ASH1L: variants seen among roughly 807,000 people sequenced by gnomAD.
ASH1L encodes ASH1 like histone lysine methyltransferase, also known as histone-lysine N-methyltransferase ASH1L.
In ASH1L, 23 loss-of-function variants were observed where a neutral mutation model predicts 269.0. The observed-to-expected ratio is 0.09, with a 90% confidence interval of 0.06 to 0.12. The LOEUF (loss-of-function observed/expected upper bound fraction) is 0.12. ASH1L is among the 10% of genes least tolerant of loss of function. The pLI is 1.00. For synonymous variants in ASH1L, 1,187 were observed against 1,253.5 expected (o/e 0.95, Z 1.12); for missense variants, 2,912 against 3,567.8 (o/e 0.82, Z 4.68).
chr1:155,459,202 T>C (rs1664103474), intron 4 of ASH1L, among the ~76,000 whole-genome samples: 1 of 149,774 alleles, frequency 6.7e-6, no homozygotes, highest in African/African-American at 2.4e-5. Context: ...ACTAAACAAT[T>C]TTTTTTTTTT....
intron 5 of ASH1L, 110 bp downstream of exon 5, chr1:155,438,217 A>G (rs1662251548): frequency 4.3e-6 from 5 of 1,154,690 alleles, no homozygotes; most frequent in Non-Finnish European, 6.0e-6. Context: ...ATGGTCTCAT[A>G]TAGTAAAAAA....
At chr1:155,349,227 C>T (rs964760941) in intron 19 of ASH1L, 100 bp downstream of exon 19, 2 of 1,375,000 alleles carry the variant, frequency 1.5e-6, no homozygotes, top group African/African-American at 1.5e-5. Flanking sequence ...CTTTTCCAAC[C>T]AGAAATATGG....
chr1:155,425,266 C>T (rs865889264), intron 5 of ASH1L, among the ~76,000 whole-genome samples: 16 of 149,864 alleles, frequency 1.1e-4, no homozygotes, highest in Admixed American at 5.3e-4. Flanking sequence ...TGGGCCACCA[C>T]GCCCGGCCTA....
chr1:155,370,767 A>T lies in ASH1L; in HGVS notation c.6539+10T>A. On this transcript the variant is annotated intron_variant, in intron 11 of 27. Transcript: ENST00000392403. Reference sequence around the variant, plus strand: ...GCATTTTATTAGAGTATCATCATTTACCACCGTACCTGAACTCCTGTTCAC... The same window carrying T: ...GCATTTTATTAGAGTATCATCATTTTCCACCGTACCTGAACTCCTGTTCAC... 1 of 1,614,144 alleles carries T rather than the reference A, an allele frequency of 6.2e-7. No individual in the cohort carries two copies. Among genetic ancestry groups the T allele is most frequent in the Non-Finnish European group, 8.5e-7 (1 of 1,179,996 alleles).
chr1:155,456,885 A>G (rs1007888690), intron 4 of ASH1L, among the ~76,000 whole-genome samples: 6 of 152,126 alleles, frequency 3.9e-5, no homozygotes, highest in Non-Finnish European at 8.8e-5. Context: ...TCCACCCCCC[A>G]CCGCCAAAAG....
chr1:155,347,894 C>T lies in ASH1L; in HGVS notation c.7565G>A (p.Gly2522Glu). 1 of 1,614,066 alleles carries T rather than the reference C, an allele frequency of 6.2e-7. No individual in the cohort carries two copies. Among genetic ancestry groups the T allele is most frequent in the Non-Finnish European group, 8.5e-7 (1 of 1,179,978 alleles). The change falls in exon 20 of 28, where the codon GGG becomes GAG. Residue 2522 changes from glycine to glutamate, a missense_variant. This residue lies in a region of ASH1L where 309 missense variants were observed against 435.1 expected (regional missense o/e 0.71). Transcript: ENST00000392403. ...KVFRNAEKYY[G>E]RKSPVGRDVC... ...ATCTCTCCCAACTGGGGATTTACGC[C>T]CATAGTACTTCTGAAGAAAGCAAAT...
Position 155,339,254 on chromosome 1 carries a change from GTTGT to G in ASH1L, c.8501+70_8501+73del, listed in dbSNP as rs1392006584. On this transcript the variant is annotated intron_variant, in intron 26 of 27. Coordinates refer to ENST00000392403, the MANE Select transcript of ASH1L (RefSeq NM_018489.3). The stretch of plus-strand genomic sequence containing the variant: ...TCCTAGAAGTGGAGCTGAGTGGGTA[GTTGT>G]TTGTTTTCTTGATCCATTCAAGCTC... 2.9e-6 allele frequency: 4 copies of G among 1,372,122 alleles called. No homozygotes were observed. In the African/African-American group the frequency reaches 4.3e-5, roughly 15 times the overall value. 85.0% of individuals were successfully genotyped at this position (1,372,122 alleles called of 1,614,324 possible).
intron 3 of ASH1L, among the ~76,000 whole-genome samples, chr1:155,463,094 C>A (rs1664423675): frequency 6.6e-6 from 1 of 152,114 alleles, no homozygotes; most frequent in Non-Finnish European, 1.5e-5. Context: ...TGTAACATTG[C>A]CAGAAATACA....
At chr1:155,395,399 C>A in intron 7 of ASH1L, 60 bp downstream of exon 7, 1 of 1,251,736 alleles carries the variant, frequency 8.0e-7, no homozygotes, top group Non-Finnish European at 1.1e-6. Flanking sequence ...AAGACATTTC[C>A]CTCAAACCCA....
At position 155,478,668 on chromosome 1, in the gene ASH1L, T is replaced by C. The variant is rs771496177; in HGVS notation, c.4202A>G (p.Tyr1401Cys). ...LTAAPIGLGY[Y>C]GRYPPTLYPP... is the part of the protein sequence containing the mutation. ...ATAAAGAGTGGGAGGATACCTTCCA[T>C]AGTAACCTAATCCTATGGGAGCAGC... Residue 1401 changes from tyrosine to cysteine, a missense_variant, in exon 3 of 28, where the codon TAT becomes TGT. Tyr to Cys is a radical substitution (Grantham distance 194, BLOSUM62 -2). Coordinates refer to ENST00000392403, the MANE Select transcript of ASH1L (RefSeq NM_018489.3). This position sits in a 1 kb window ranked among gnomAD's most constrained non-coding sequence, Gnocchi z 4.6. 5 of 1,613,932 alleles carry C rather than the reference T, an allele frequency of 3.1e-6. No homozygotes were observed. Among genetic ancestry groups the C allele is most frequent in the East Asian group, 2.2e-5 (1 of 44,868 alleles).
At chr1:155,502,964 G>A (rs1294008650) in intron 2 of ASH1L, among the ~76,000 whole-genome samples, 6 of 152,066 alleles carry the variant, frequency 3.9e-5, no homozygotes. Context: ...TGCCCTAACC[G>A]TTATAATCAA....
intron 5 of ASH1L, among the ~76,000 whole-genome samples, chr1:155,435,408 C>G (rs533777834): frequency 6.6e-6 from 1 of 152,242 alleles, no homozygotes; most frequent in Admixed American, 6.5e-5. Flanking sequence ...GTTCTGATGA[C>G]AAGCTCTCAG....
At chr1:155,556,628 A>G (rs1317957595) in intron 1 of ASH1L, among the ~76,000 whole-genome samples, 2 of 151,994 alleles carry the variant, frequency 1.3e-5, no homozygotes, top group Non-Finnish European at 2.9e-5. Flanking sequence ...TTTTTAGTAG[A>G]GACGGGGTTT....
chr1:155,535,319 T>C (rs950397157), intron 1 of ASH1L, among the ~76,000 whole-genome samples: 3 of 151,350 alleles, frequency 2.0e-5, no homozygotes, highest in African/African-American at 7.3e-5. Context: ...AGCCTCAAAC[T>C]CTGGAGCTCA....
At chr1:155,429,708 A>C (rs1254576144) in intron 5 of ASH1L, among the ~76,000 whole-genome samples, 12 of 152,200 alleles carry the variant, frequency 7.9e-5, no homozygotes, top group Admixed American at 7.2e-4. Flanking sequence ...AGGGGTTTAC[A>C]AACAGGGAAA....
chr1:155,547,645 C>T (rs1670921816), intron 1 of ASH1L, among the ~76,000 whole-genome samples: 2 of 151,960 alleles, frequency 1.3e-5, no homozygotes, highest in South Asian at 2.1e-4. Flanking sequence ...ATCGCTTGAA[C>T]CCGAGAGGCA....
At chr1:155,409,716 T>G (rs1659605735) in intron 6 of ASH1L, among the ~76,000 whole-genome samples, 1 of 152,190 alleles carries the variant, frequency 6.6e-6, no homozygotes, top group Non-Finnish European at 1.5e-5. Flanking sequence ...TCCTCCAGCC[T>G]CAGCCTCCCA....
chr1:155,378,061 C>CA (rs911497564), intron 10 of ASH1L, among the ~76,000 whole-genome samples: 18 of 150,348 alleles, frequency 1.2e-4, no homozygotes, highest in African/African-American at 3.4e-4. Context: ...AAAAAACAAA[C>CA]AAAAAAAAAG....
intron 3 of ASH1L, among the ~76,000 whole-genome samples, chr1:155,473,634 C>T (rs374836276): frequency 2.0e-5 from 3 of 151,876 alleles, no homozygotes. Context: ...GTAGCCAGGA[C>T]TACAGGCGTA....
Sources: gnomAD v4.1 joint callset for allele counts (sites outside exome capture counted in the v4.1 genomes callset) on GRCh38, gnomAD v4.1.1 for gene constraint, gnomAD v4.1.1 regional missense constraint, Gnocchi (gnomAD v3.1) non-coding constraint, MANE v1.5 for transcripts, NCBI Gene and HGNC (gene_info 2026-07-23, HGNC 2026-07-21) for gene names.